Variants in TIAM1 observed in about 807,000 individuals in gnomAD.
The protein encoded by TIAM1 is TIAM Rac1 associated GEF 1.
A neutral mutation model predicts 163.5 loss-of-function variants in TIAM1; 65 were observed. The observed-to-expected ratio is 0.40, with a 90% confidence interval of 0.33 to 0.49. The LOEUF (loss-of-function observed/expected upper bound fraction) is 0.49, where lower values mean the gene tolerates loss of function less well. Among genes scored for constraint, TIAM1 ranks in the 20% least tolerant of loss-of-function variants. TIAM1 has a pLI of 0.77. For missense variants in TIAM1, 1,789 were observed against 2,044.7 expected, an observed-to-expected ratio of 0.87 and a Z score of 2.41; for synonymous variants, 833 against 810.1, an observed-to-expected ratio of 1.03 and a Z score of -0.48.
chr21:31,312,164 C>A (rs1489906244), intron 2 of TIAM1, among the ~76,000 whole-genome samples: 1 of 152,196 alleles, frequency 6.6e-6, no homozygotes, highest in Non-Finnish European at 1.5e-5. Context: ...TGCAGAAAGC[C>A]TGTTGAGGGA....
intron 1 of TIAM1, among the ~76,000 whole-genome samples, chr21:31,511,573 A>G (rs552433376): frequency 6.6e-6 from 1 of 152,304 alleles, no homozygotes; most frequent in Non-Finnish European, 1.5e-5. Flanking sequence ...TTACGCAGCA[A>G]TCAATGCCTG....
chr21:31,152,662 T>C lies in TIAM1; in HGVS notation c.3340A>G (p.Lys1114Glu). ...DGVRLVPDLE[K>E]LEKVDQFKKV... ...TTAAATTGATCAACCTTCTCAAGCT[T>C]TTCCAAATCAGGTACCAGTCTCACT... Residue 1114 changes from lysine (K) to glutamate (E), a missense_variant, in exon 19 of 28, where the codon AAG (lysine) becomes GAG (glutamate). Physicochemically the swap from Lys to Glu is moderately conservative, Grantham distance 56. Around this residue, in one of 5 missense-constraint regions of TIAM1, gnomAD observed 303 missense variants for 321.3 expected, o/e 0.94. Transcript: ENST00000541036. The C allele has an allele frequency of 6.2e-7, 1 of 1,614,154 alleles. No homozygotes were observed. Among genetic ancestry groups the C allele is most frequent in the Non-Finnish European group, 8.5e-7 (1 of 1,180,024 alleles).
At chr21:31,356,618 G>A (rs369951470) in intron 2 of TIAM1, among the ~76,000 whole-genome samples, 9 of 152,166 alleles carry the variant, frequency 5.9e-5, no homozygotes, top group East Asian at 1.9e-4. Flanking sequence ...GCCACAAGGC[G>A]CTGTCCAGAG....
chr21:31,340,565 A>C (rs1247462848), intron 1 of TIAM1, among the ~76,000 whole-genome samples: 1 of 152,112 alleles, frequency 6.6e-6, no homozygotes, highest in East Asian at 1.9e-4. Flanking sequence ...GGGTCTCACT[A>C]TGTTGCCCAG....
intron 23 of TIAM1, among the ~76,000 whole-genome samples, chr21:31,132,350 C>T (rs1217327276): frequency 6.6e-6 from 1 of 152,176 alleles, no homozygotes; most frequent in Non-Finnish European, 1.5e-5. Flanking sequence ...CCCTTCACAC[C>T]TCACAGCATC....
intron 16 of TIAM1, among the ~76,000 whole-genome samples, chr21:31,163,798 A>AT (rs1242121065): frequency 6.6e-6 from 1 of 152,186 alleles, no homozygotes; most frequent in Admixed American, 6.5e-5. Context: ...AATCACCCTG[A>AT]TTTTGCAGAT....
intron 2 of TIAM1, among the ~76,000 whole-genome samples, chr21:31,449,597 C>T (rs1324144648): frequency 6.6e-6 from 1 of 151,962 alleles, no homozygotes; most frequent in Admixed American, 6.6e-5. Context: ...AGGCTGGTCT[C>T]GAACTCCTGA....
intron 2 of TIAM1, among the ~76,000 whole-genome samples, chr21:31,297,914 C>G (rs999201392): frequency 2.6e-5 from 4 of 152,136 alleles, no homozygotes; most frequent in Non-Finnish European, 4.4e-5. Context: ...ATACCAATTG[C>G]CCGAGTATGA....
chr21:31,540,034 A>AT (rs1216350358), intron 1 of TIAM1, among the ~76,000 whole-genome samples: 7 of 151,480 alleles, frequency 4.6e-5, no homozygotes, highest in Non-Finnish European at 7.4e-5. Flanking sequence ...TCAAAAAAAC[A>AT]TAAAAAAAAA....
At chr21:31,372,721 CA>C (rs2076616736) in intron 2 of TIAM1, among the ~76,000 whole-genome samples, 1 of 152,148 alleles carries the variant, frequency 6.6e-6, no homozygotes, top group Non-Finnish European at 1.5e-5. Flanking sequence ...TGTAATCCCC[CA>C]GCACATTGGA....
At chr21:31,327,346 A>C (rs1043003066) in intron 2 of TIAM1, among the ~76,000 whole-genome samples, 1 of 152,174 alleles carries the variant, frequency 6.6e-6, no homozygotes. Context: ...TCTATAAAGA[A>C]AGAGATCTGT....
intron 2 of TIAM1, among the ~76,000 whole-genome samples, chr21:31,382,653 T>C (rs1273418986): frequency 2.6e-5 from 4 of 152,230 alleles, no homozygotes; most frequent in Admixed American, 2.6e-4. Context: ...CCTATGCTTT[T>C]TCTTTTGACA....
At chr21:31,281,112 C>T (rs1056378441) in intron 2 of TIAM1, among the ~76,000 whole-genome samples, 7 of 121,044 alleles carry the variant, frequency 5.8e-5, no homozygotes, top group Admixed American at 8.3e-5. Context: ...AAAAAAACAA[C>T]GACAAAAAAA....
At chr21:31,180,693 CTCTA>C (rs757126501) in intron 15 of TIAM1, among the ~76,000 whole-genome samples, 7 of 152,316 alleles carry the variant, frequency 4.6e-5, no homozygotes, top group African/African-American at 7.2e-5. Context: ...CCAGAAACAA[CTCTA>C]TCTGTGAACC....
At chr21:31,193,767 G>C (rs909127767) in intron 13 of TIAM1, among the ~76,000 whole-genome samples, 3 of 152,150 alleles carry the variant, frequency 2.0e-5, no homozygotes, top group African/African-American at 7.2e-5. Flanking sequence ...AGACAAGCAA[G>C]CTGGAAGCTT....
chr21:31,513,156 T>C (rs1265913271), intron 1 of TIAM1, among the ~76,000 whole-genome samples: 2 of 152,190 alleles, frequency 1.3e-5, no homozygotes, highest in Admixed American at 6.5e-5. Flanking sequence ...TTTTCACACA[T>C]GCCATATATA....
intron 1 of TIAM1, among the ~76,000 whole-genome samples, chr21:31,508,796 C>T (rs1440129993): frequency 1.3e-5 from 2 of 152,140 alleles, no homozygotes; most frequent in African/African-American, 2.4e-5. Context: ...GAGATCCTAG[C>T]GTTGAAGTGG....
chr21:31,457,226 G>A (rs574386841), intron 2 of TIAM1, among the ~76,000 whole-genome samples: 6 of 152,246 alleles, frequency 3.9e-5, no homozygotes, highest in Non-Finnish European at 5.9e-5. Context: ...ATCCCAGCAC[G>A]AACTTCACAG....
intron 1 of TIAM1, among the ~76,000 whole-genome samples, chr21:31,342,369 GAA>G (rs144659018): frequency 0.02 from 3,004 of 152,162 alleles, 108 homozygotes; most frequent in African/African-American, 0.069. Context: ...GAGACAATAT[GAA>G]AAGATAATGA....
Sources: gnomAD v4.1 joint callset for allele counts (sites outside exome capture counted in the v4.1 genomes callset) on GRCh38, gnomAD v4.1.1 for gene constraint, gnomAD v4.1.1 regional missense constraint, MANE v1.5 for transcripts, NCBI Gene and HGNC (gene_info 2026-07-23, HGNC 2026-07-21) for gene names.